The following DAB2 variants were observed in gnomAD, a reference collection of about 807,000 sequenced individuals.
DAB2 encodes disabled homolog 2.
DAB2 carries 28 observed loss-of-function variants against 71.6 expected under a neutral mutation model. The observed-to-expected ratio is 0.39, with a 90% CI of 0.29 to 0.54. The LOEUF is 0.54. Ranked by LOEUF, DAB2 falls within the 20% of genes least tolerant of loss-of-function variation. The pLI, the probability that DAB2 is intolerant of heterozygous loss-of-function variation, is 0.68. For synonymous variants in DAB2, 345 were observed against 339.7 expected, an observed-to-expected ratio of 1.02 and a Z score of -0.17; for missense variants, 867 against 928.8, an observed-to-expected ratio of 0.93 and a Z score of 0.86.
At chr5:39,391,900 T>A (rs1755235659) in intron 4 of DAB2, among the ~76,000 whole-genome samples, 1 of 150,452 alleles carries the variant, frequency 6.6e-6, no homozygotes, top group African/African-American at 2.4e-5. Flanking sequence ...AGTTCACATG[T>A]AAGCAATACA....
intron 1 of DAB2, among the ~76,000 whole-genome samples, chr5:39,415,998 T>C (rs1755836260): frequency 6.6e-6 from 1 of 152,056 alleles, no homozygotes; most frequent in Non-Finnish European, 1.5e-5. Flanking sequence ...GAGTCAAACC[T>C]CTGAAAGTCT....
chr5:39,420,862 G>C (rs139048274), intron 1 of DAB2, among the ~76,000 whole-genome samples: 3 of 152,120 alleles, frequency 2.0e-5, no homozygotes, highest in Non-Finnish European at 4.4e-5. Context: ...AGAAGGATGC[G>C]GGAAGGGGAG....
rs771676696 is a variant in DAB2, at chr5:39,403,288, C to G, written c.-101-8867G>C. ...TAGCTGGAGGGGACAAAGCTGGCAC[C>G]AGGAAAGATCTAGCATGAGACTGTA... is the stretch of plus-strand genomic sequence containing the variant. On this transcript the variant is annotated intron_variant, in intron 1 of 14. Transcript: ENST00000320816. Among the ~76,000 whole-genome samples the G allele has an allele frequency of 5.9e-5, 9 of 152,180 alleles. No individual in the cohort carries two copies. In the South Asian group the frequency reaches 1.0e-3, roughly 18 times the overall value.
At chr5:39,413,350 A>T (rs1350367440) in intron 1 of DAB2, among the ~76,000 whole-genome samples, 2 of 152,184 alleles carry the variant, frequency 1.3e-5, no homozygotes, top group Admixed American at 1.3e-4. Flanking sequence ...AACTTCAAAT[A>T]AATATAATGT....
rs1183842018 is a variant in DAB2, at chr5:39,422,800, A to G, written c.-102+2004T>C. Among the ~76,000 whole-genome samples, 1 of 152,208 alleles carries G rather than the reference A, an allele frequency of 6.6e-6. No individual in the cohort carries two copies. Among genetic ancestry groups the G allele is most frequent in the Non-Finnish European group, 1.5e-5 (1 of 68,044 alleles). ...CCCTTCAACCCAAACAAGGCCAGTG[A>G]AATCCATTCAACCTTTGGAGAAAGA... On this transcript the variant is annotated intron_variant, in intron 1 of 14. Coordinates refer to ENST00000320816, the MANE Select transcript of DAB2 (RefSeq NM_001343.4). This position sits in a 1 kb window ranked among gnomAD's most constrained non-coding sequence, Gnocchi z 4.1.
intron 1 of DAB2, among the ~76,000 whole-genome samples, chr5:39,410,197 C>T (rs912654426): frequency 1.3e-5 from 2 of 152,096 alleles, no homozygotes; most frequent in Non-Finnish European, 2.9e-5. Context: ...GTTATGTCAT[C>T]AGCTAACAGT....
intron 1 of DAB2, among the ~76,000 whole-genome samples, chr5:39,416,859 A>C (rs1413036706): frequency 6.6e-6 from 1 of 152,136 alleles, no homozygotes; most frequent in African/African-American, 2.4e-5. Flanking sequence ...TGCGCTTAAA[A>C]CATTAGGGGT....
rs150905365 is a variant in DAB2 at position 39,397,823 on chromosome 5, C to T, written c.-101-3402G>A. Among the ~76,000 whole-genome samples, 91 of 152,196 alleles carry T rather than the reference C, an allele frequency of 6.0e-4. No homozygotes were observed. In the East Asian group the frequency reaches 0.013, roughly 21 times the overall value. The stretch of plus-strand genomic sequence containing the variant: ...CTTTCAAGGCTATATTTATATACTT[C>T]GATATCTACTTTTAACTTTCTAGGC... On this transcript the variant is annotated intron_variant, in intron 1 of 14. Transcript: ENST00000320816.
chr5:39,406,032 T>A (rs983483810), intron 1 of DAB2, among the ~76,000 whole-genome samples: 14 of 152,180 alleles, frequency 9.2e-5, no homozygotes, highest in Non-Finnish European at 2.9e-5. Flanking sequence ...CTCTTTCCCA[T>A]ATACTTTAGG....
chr5:39,401,838 C>T (rs928158545), intron 1 of DAB2, among the ~76,000 whole-genome samples: 54 of 151,706 alleles, frequency 3.6e-4, no homozygotes, highest in Middle Eastern at 3.4e-3. Context: ...CTGCAAGCTC[C>T]GCCTGCCGGG....
chr5:39,397,563 G>A (rs1296718368), intron 1 of DAB2, among the ~76,000 whole-genome samples: 1 of 152,112 alleles, frequency 6.6e-6, no homozygotes, highest in African/African-American at 2.4e-5. Flanking sequence ...GCCTGATTTT[G>A]GAAGCTAAGC....
At chr5:39,394,099 A>G in intron 2 of DAB2, 131 bp downstream of exon 2, 1 of 693,644 alleles carries the variant, frequency 1.4e-6, no homozygotes, top group South Asian at 1.9e-5. Flanking sequence ...CTTTCCTATT[A>G]GGAGAACATG....
At chr5:39,413,591 G>A (rs925629204) in intron 1 of DAB2, among the ~76,000 whole-genome samples, 1 of 152,130 alleles carries the variant, frequency 6.6e-6, no homozygotes, top group Admixed American at 6.6e-5. Flanking sequence ...GTATGAAGCA[G>A]AATGTATTAA....
intron 10 of DAB2, 150 bp from the exon 11 acceptor site, chr5:39,381,766 A>G (rs1041550828): frequency 4.7e-5 from 35 of 744,114 alleles, no homozygotes; most frequent in Admixed American, 5.8e-5. Context: ...CTACTACTAC[A>G]GAAAAAGAGT....
chr5:39,412,498 TC>T (rs1341067300), intron 1 of DAB2, among the ~76,000 whole-genome samples: 1 of 152,136 alleles, frequency 6.6e-6, no homozygotes, highest in Non-Finnish European at 1.5e-5. Flanking sequence ...AAAGATTTGT[TC>T]CCTTATATGG....
chr5:39,411,570 T>C lies in DAB2; in HGVS notation c.-102+13234A>G, dbSNP rs568358880. Among the ~76,000 whole-genome samples the C allele has an allele frequency of 5.3e-5, 8 of 152,290 alleles. No homozygotes were observed. The South Asian group carries it at 1.5e-3, about 28-fold the overall frequency. On this transcript the variant is annotated intron_variant, in intron 1 of 14. Transcript: ENST00000320816. ...TTGGAGGATCCACTCCATGGTAACA[T>C]GTGCTATTTTCTAGTCCTCCTATGT...
intron 6 of DAB2, 148 bp downstream of exon 6, chr5:39,389,704 G>A (rs1755178208): frequency 3.8e-6 from 2 of 525,914 alleles, no homozygotes; most frequent in Non-Finnish European, 6.8e-6. Flanking sequence ...TAGTGATGAG[G>A]TTTCGCCATG....
chr5:39,415,408 T>C (rs1163547211), intron 1 of DAB2, among the ~76,000 whole-genome samples: 1 of 152,168 alleles, frequency 6.6e-6, no homozygotes, highest in Non-Finnish European at 1.5e-5. Flanking sequence ...AAGGAAACAC[T>C]ATGCTCATTT....
intron 6 of DAB2, 56 bp downstream of exon 6, chr5:39,389,796 G>T (rs2548574): frequency 3.9e-6 from 4 of 1,015,192 alleles, no homozygotes; most frequent in Non-Finnish European, 6.0e-6. Context: ...ATAGGTGTGA[G>T]CCACCATGCC....
Sources: gnomAD v4.1 joint callset for allele counts (sites outside exome capture counted in the v4.1 genomes callset) on GRCh38, gnomAD v4.1.1 for gene constraint, Gnocchi (gnomAD v3.1) non-coding constraint, MANE v1.5 for transcripts, NCBI Gene and HGNC (gene_info 2026-07-23, HGNC 2026-07-21) for gene names.